COMMD1: variants seen among roughly 807,000 people sequenced by gnomAD.
COMMD1 encodes copper metabolism domain containing 1.
In COMMD1, 10 loss-of-function variants were observed where a neutral mutation model predicts 17.2. The ratio of observed to expected loss-of-function variants is 0.58; its 90% CI spans 0.36 to 0.99. COMMD1 has a LOEUF of 0.99. Among genes scored for constraint, COMMD1 ranks in the 50% least tolerant of loss-of-function variants. The pLI, the probability that COMMD1 is intolerant of heterozygous loss-of-function variation, is 0.01. For missense variants in COMMD1, 270 were observed against 231.8 expected (o/e 1.17, Z -1.07); for synonymous variants, 97 against 91.6 (o/e 1.06, Z -0.34).
chr2:62,134,764 G>C (rs2104110276), intron 2 of COMMD1, among the ~76,000 whole-genome samples: 2 of 151,992 alleles, frequency 1.3e-5, no homozygotes, highest in Middle Eastern at 6.8e-3. Context: ...GAAACAGAGG[G>C]GGAAAAAAAT....
chr2:62,073,143 G>A (rs955490613), intron 2 of COMMD1, among the ~76,000 whole-genome samples: 12 of 152,186 alleles, frequency 7.9e-5, no homozygotes, highest in African/African-American at 2.4e-4. Context: ...TTTCTTTGAC[G>A]TATTTTCAGA....
At chr2:61,973,532 T>G (rs1466716265) in intron 1 of COMMD1, among the ~76,000 whole-genome samples, 3 of 152,216 alleles carry the variant, frequency 2.0e-5, no homozygotes, top group African/African-American at 7.2e-5. Flanking sequence ...ATCATTTGGG[T>G]TTCCTCCTCT....
intron 1 of COMMD1, among the ~76,000 whole-genome samples, chr2:61,890,438 C>T (rs932629944): frequency 4.6e-5 from 7 of 152,150 alleles, no homozygotes; most frequent in East Asian, 2.0e-4. Context: ...AGGGTGGTTT[C>T]GAACTCCCGA....
chr2:62,018,099 G>A (rs1446271858), intron 2 of COMMD1, among the ~76,000 whole-genome samples: 2 of 151,992 alleles, frequency 1.3e-5, no homozygotes, highest in South Asian at 2.1e-4. Context: ...TGGGTAGCAG[G>A]CCCATACGCA....
intron 1 of COMMD1, among the ~76,000 whole-genome samples, chr2:61,997,227 T>C (rs1285069815): frequency 1.3e-5 from 2 of 151,932 alleles, no homozygotes; most frequent in African/African-American, 4.8e-5. Context: ...GCTTGGCTAG[T>C]TTTTTTGTAT....
chr2:62,064,902 C>G (rs1455401415), intron 2 of COMMD1, among the ~76,000 whole-genome samples: 4 of 152,218 alleles, frequency 2.6e-5, no homozygotes, highest in Non-Finnish European at 5.9e-5. Flanking sequence ...TGCAGTAGCT[C>G]ATGCCTGTAA....
intron 1 of COMMD1, among the ~76,000 whole-genome samples, chr2:61,957,087 C>CGTGTGT (rs10679710): frequency 0.096 from 14,128 of 146,790 alleles, 769 homozygotes; most frequent in South Asian, 0.15. Flanking sequence ...AAGATGGATG[C>CGTGTGT]GTGTGTGTGT....
chr2:61,983,601 A>G (rs1169595923), intron 1 of COMMD1, among the ~76,000 whole-genome samples: 1 of 152,068 alleles, frequency 6.6e-6, no homozygotes, highest in Non-Finnish European at 1.5e-5. Context: ...GAATTTATCC[A>G]TTTCTTCTAG....
At chr2:61,917,622 G>C (rs1470717666) in intron 1 of COMMD1, among the ~76,000 whole-genome samples, 1 of 151,880 alleles carries the variant, frequency 6.6e-6, no homozygotes, top group East Asian at 1.9e-4. Context: ...CTGCCTCCCT[G>C]GTTCACGCTA....
intron 1 of COMMD1, among the ~76,000 whole-genome samples, chr2:61,930,204 T>G (rs1670426576): frequency 1.3e-5 from 2 of 152,130 alleles, no homozygotes; most frequent in Admixed American, 1.3e-4. Flanking sequence ...GCATTGATAC[T>G]TTATAAACCT....
intron 2 of COMMD1, among the ~76,000 whole-genome samples, chr2:62,098,442 GGTCAGCTAGGGTTGAT>G (rs55671416): frequency 0.38 from 57,807 of 151,802 alleles, 11,915 homozygotes; most frequent in African/African-American, 0.54. Context: ...GTGACAGCTA[GGTCAGCTAGGGTTGAT>G]GTCAGCTAGG....
intron 1 of COMMD1, among the ~76,000 whole-genome samples, chr2:61,913,731 G>A (rs1669972700): frequency 7.2e-6 from 1 of 139,430 alleles, no homozygotes; most frequent in South Asian, 2.2e-4. Flanking sequence ...GGGAGGCAGA[G>A]CGTACAGTGA....
At chr2:61,942,349 C>T (rs929443092) in intron 1 of COMMD1, among the ~76,000 whole-genome samples, 2 of 151,932 alleles carry the variant, frequency 1.3e-5, no homozygotes, top group Non-Finnish European at 2.9e-5. Context: ...GGTGATCCAC[C>T]CACCTCGGCC....
intron 1 of COMMD1, among the ~76,000 whole-genome samples, chr2:61,974,395 C>T (rs537493697): frequency 2.0e-5 from 3 of 150,484 alleles, no homozygotes; most frequent in East Asian, 3.9e-4. Flanking sequence ...TTTTTTTGGC[C>T]GGGCTCGGTG....
At chr2:61,946,778 A>G (rs1670918638) in intron 1 of COMMD1, among the ~76,000 whole-genome samples, 1 of 151,988 alleles carries the variant, frequency 6.6e-6, no homozygotes, top group Non-Finnish European at 1.5e-5. Flanking sequence ...TTTCTTCCAC[A>G]TTTCCTTTAC....
chr2:61,999,753 TC>T (rs1176506493), intron 1 of COMMD1, among the ~76,000 whole-genome samples: 2 of 151,864 alleles, frequency 1.3e-5, no homozygotes, highest in Non-Finnish European at 2.9e-5. Context: ...AAAAAAAATT[TC>T]ATTTTATCTC....
intron 2 of COMMD1, among the ~76,000 whole-genome samples, chr2:62,026,892 T>C (rs1037998079): frequency 1.3e-5 from 2 of 152,220 alleles, no homozygotes; most frequent in African/African-American, 4.8e-5. Context: ...ATTCAGTCTT[T>C]CCAAAGCTTA....
intron 2 of COMMD1, among the ~76,000 whole-genome samples, chr2:62,073,751 T>G (rs1671262409): frequency 6.6e-6 from 1 of 152,178 alleles, no homozygotes; most frequent in Non-Finnish European, 1.5e-5. Context: ...CAGGCTGGAG[T>G]GCAGTGGTGC....
At chr2:62,076,162 T>C (rs1671332123) in intron 2 of COMMD1, among the ~76,000 whole-genome samples, 1 of 152,254 alleles carries the variant, frequency 6.6e-6, no homozygotes, top group South Asian at 2.1e-4. Context: ...CCTTAACAGA[T>C]CAGTAATTTG....
Sources: gnomAD v4.1 joint callset for allele counts (sites outside exome capture counted in the v4.1 genomes callset) on GRCh38, gnomAD v4.1.1 for gene constraint, MANE v1.5 for transcripts, NCBI Gene and HGNC (gene_info 2026-07-23, HGNC 2026-07-21) for gene names.